SYT10: variants seen among roughly 807,000 people sequenced by gnomAD.
SYT10 encodes the protein synaptotagmin 10, also known as synaptotagmin-10.
Under a neutral mutation model 51.1 loss-of-function variants are expected in SYT10, and 31 were observed. The observed-to-expected ratio is 0.61, with a 90% CI of 0.46 to 0.82. The LOEUF (loss-of-function observed/expected upper bound fraction) is 0.82, where lower values mean the gene tolerates loss of function less well. SYT10 is among the 40% of genes least tolerant of loss of function. The probability of loss-of-function intolerance (pLI) is 0.00; values close to 1 mark genes in which losing one functional copy is unlikely to be tolerated. For missense variants in SYT10, 603 were observed against 634.0 expected (o/e 0.95, Z 0.53); for synonymous variants, 233 against 225.9 (o/e 1.03, Z -0.28).
intron 2 of SYT10, among the ~76,000 whole-genome samples, chr12:33,420,281 A>G (rs1182654218): frequency 1.3e-5 from 2 of 152,184 alleles, no homozygotes; most frequent in African/African-American, 4.8e-5. Context: ...GTATTTCATC[A>G]TAAACATTTA....
At chr12:33,413,413 A>G (rs1399223230) in intron 2 of SYT10, among the ~76,000 whole-genome samples, 1 of 152,208 alleles carries the variant, frequency 6.6e-6, no homozygotes, top group Non-Finnish European at 1.5e-5. Flanking sequence ...GAAGGAAAAA[A>G]TGCTAAGGGC....
intron 1 of SYT10, among the ~76,000 whole-genome samples, chr12:33,436,051 ATGTGAGCTCAAGTGAC>A: frequency 6.6e-6 from 1 of 152,174 alleles, no homozygotes; most frequent in East Asian, 1.9e-4. Context: ...TACAATTGTG[ATGTGAGCTCAAGTGAC>A]TGTGAGCTTA....
chr12:33,403,483 C>G (rs546106807), intron 3 of SYT10, among the ~76,000 whole-genome samples: 20 of 152,276 alleles, frequency 1.3e-4, no homozygotes, highest in East Asian at 1.2e-3. Context: ...GATCCACCCC[C>G]CTCAGCCTCC....
Position 33,426,196 on chromosome 12 carries a change from G to C in SYT10, c.451C>G (p.His151Asp). 6.2e-7 allele frequency: 1 copy of C among 1,612,958 alleles called. No homozygotes were observed. Among genetic ancestry groups the C allele is most frequent in the African/African-American group, 1.3e-5 (1 of 74,832 alleles). ...TGCACACGTGCATGTTTAATTAAATGTTCTTTTAAAGCAGTTTGGACTTCT... is the reference window on the plus strand; with the variant it reads ...TGCACACGTGCATGTTTAATTAAATCTTCTTTTAAAGCAGTTTGGACTTCT... ...PAEVQTALKEHLIKHARVQRQ... is the reference protein window; with the variant it reads ...PAEVQTALKEDLIKHARVQRQ... The change falls in exon 2 of 7, where the codon CAT becomes GAT. Residue 151 changes from histidine (H) to aspartate (D), a missense_variant. Physicochemically the swap from His to Asp is moderately conservative, Grantham distance 81. Transcript: ENST00000228567.
chr12:33,377,255 C>T (rs1169458702), intron 6 of SYT10, among the ~76,000 whole-genome samples: 8 of 151,260 alleles, frequency 5.3e-5, no homozygotes, highest in Non-Finnish European at 1.0e-4. Context: ...TCACTGCAAC[C>T]TCTGCCTCCT....
intron 6 of SYT10, 37 bp from the exon 7 acceptor site, chr12:33,376,938 C>G: frequency 6.2e-7 from 1 of 1,603,570 alleles, no homozygotes; most frequent in Non-Finnish European, 8.5e-7. Flanking sequence ...TGATCTAGTA[C>G]AGAAATAGAA....
chr12:33,420,579 G>A (rs115855398), intron 2 of SYT10, among the ~76,000 whole-genome samples: 1,629 of 152,160 alleles, frequency 0.011, 34 homozygotes, highest in African/African-American at 0.035. Flanking sequence ...TTGAACCTAG[G>A]AGCTCAAGGC....
intron 5 of SYT10, 112 bp downstream of exon 5, chr12:33,382,237 C>A (rs2138383821): frequency 1.0e-6 from 1 of 1,003,908 alleles, no homozygotes; most frequent in Non-Finnish European, 1.4e-6. Context: ...TCATTATTCC[C>A]TCCTCCAATT....
At position 33,376,731 on chromosome 12, in the gene SYT10, G is replaced by C; in HGVS notation, c.*99C>G. ...CACATCAAGTTTGTTCATTAGTACGGATATATTTCAAATGAGGAAACCAAA... is the reference window on the plus strand; with the variant it reads ...CACATCAAGTTTGTTCATTAGTACGCATATATTTCAAATGAGGAAACCAAA... On this transcript the variant is annotated 3_prime_UTR_variant, in exon 7 of 7. Coordinates refer to ENST00000228567, the MANE Select transcript of SYT10 (RefSeq NM_198992.4). 1 of 1,347,570 alleles carries C rather than the reference G, an allele frequency of 7.4e-7. No individual in the cohort carries two copies. 83.5% of individuals were successfully genotyped at this position (1,347,570 alleles called of 1,614,324 possible).
At chr12:33,378,828 G>C (rs1866087900) in intron 6 of SYT10, among the ~76,000 whole-genome samples, 1 of 151,180 alleles carries the variant, frequency 6.6e-6, no homozygotes. Flanking sequence ...GTGTGTGTGT[G>C]TGTGTGTGTG....
chr12:33,424,035 G>A (rs964309182), intron 2 of SYT10: 1 of 455,052 alleles, frequency 2.2e-6, no homozygotes, highest in African/African-American at 2.0e-5. Context: ...AAAGTCAGAG[G>A]CAGGTGAAAT....
Position 33,406,834 on chromosome 12 carries a change from G to T in SYT10, c.1032C>A (p.Leu344=). 6.2e-7 allele frequency: 1 copy of T among 1,613,840 alleles called. No individual in the cohort carries two copies. Among genetic ancestry groups the T allele is most frequent in the South Asian group, 1.1e-5 (1 of 91,064 alleles). Residue 344 remains leucine, a synonymous_variant, in exon 3 of 7, where the codon CTC becomes CTA. Coordinates refer to ENST00000228567, the MANE Select transcript of SYT10 (RefSeq NM_198992.4). The part of the protein sequence containing the change: ...ILDNLFEVSD[L]SREATVWKDI... ...CTTTCCATACTGTGGCTTCCCTGGA[G>T]AGATCAGAGACTTCAAACAAATTAT...
chr12:33,439,728 C>T lies in SYT10; in HGVS notation c.-206G>A, dbSNP rs1442041719. ...AGGGCGTAGGGGAAGGAGAGGCGCG[C>T]GAGGAGGCTGCGGCTGCCGCGAGGT... On this transcript the variant is annotated 5_prime_UTR_variant, in exon 1 of 7. Transcript: ENST00000228567. 1.7e-6 allele frequency: 1 copy of T among 589,586 alleles called. No individual in the cohort carries two copies. The allele number at this position is 589,586 out of a possible 1,614,324, so 36.5% of individuals were successfully genotyped here. A position where few individuals can be genotyped will look rare whatever the true frequency, so the allele number is the denominator to read the frequency against.
intron 5 of SYT10, among the ~76,000 whole-genome samples, chr12:33,381,891 G>T (rs1866118378): frequency 6.6e-6 from 1 of 152,144 alleles, no homozygotes; most frequent in Admixed American, 6.6e-5. Flanking sequence ...ACTCCTCGTT[G>T]TTCACAGTTC....
At chr12:33,384,726 G>A (rs1866142787) in intron 4 of SYT10, among the ~76,000 whole-genome samples, 2 of 152,104 alleles carry the variant, frequency 1.3e-5, no homozygotes, top group South Asian at 2.1e-4. Flanking sequence ...TTAGTTAGGT[G>A]GAAAAAATGC....
At chr12:33,390,966 T>A (rs1174755022) in intron 3 of SYT10, among the ~76,000 whole-genome samples, 3 of 151,998 alleles carry the variant, frequency 2.0e-5, no homozygotes, top group African/African-American at 7.3e-5. Context: ...TGAGACGGAG[T>A]CTCCCTCTGT....
rs541254825 is a variant in SYT10 at position 33,425,050 on chromosome 12, A to C, written c.509+1088T>G. Among the ~76,000 whole-genome samples, 7 of 152,278 alleles carry C rather than the reference A, an allele frequency of 4.6e-5. No homozygotes were observed. In the East Asian group the frequency reaches 1.2e-3, roughly 25 times the overall value. On this transcript the variant is annotated intron_variant, in intron 2 of 6. Transcript: ENST00000228567. ...GTAAGAAGTGGATTTATTTGTAGAT[A>C]TAATTCTCCCATTTACACAAAATAC...
chr12:33,404,622 A>C (rs1419921808), intron 3 of SYT10, among the ~76,000 whole-genome samples: 1 of 152,042 alleles, frequency 6.6e-6, no homozygotes, highest in African/African-American at 2.4e-5. Flanking sequence ...TGAACTCTTG[A>C]CCTCGTGATC....
At position 33,387,747 on chromosome 12, in the gene SYT10, G is replaced by GTTTTTT. The variant is rs34524429; in HGVS notation, c.1078-2462_1078-2457dup. Reference sequence around the variant, plus strand: ...AACACCCTTCTCTTCCTTCTAACATGTTTTTTTTTTTTTTTTTTGAGACAG... The same window carrying GTTTTTT: ...AACACCCTTCTCTTCCTTCTAACATGTTTTTTTTTTTTTTTTTTTTTTTTGAGACAG... On this transcript the variant is annotated intron_variant, in intron 3 of 6. Transcript: ENST00000228567. Among the ~76,000 whole-genome samples, 37 of 122,660 alleles carry GTTTTTT rather than the reference G, an allele frequency of 3.0e-4. 2 individuals carry two copies. Among genetic ancestry groups the GTTTTTT allele is most frequent in the Admixed American group, 7.8e-4 (9 of 11,500 alleles). 80.5% of individuals were successfully genotyped at this position (122,660 alleles called of 152,430 possible). A position where few individuals can be genotyped will look rare whatever the true frequency, so the allele number is the denominator to read the frequency against.
Sources: gnomAD v4.1 joint callset for allele counts (sites outside exome capture counted in the v4.1 genomes callset) on GRCh38, gnomAD v4.1.1 for gene constraint, MANE v1.5 for transcripts, NCBI Gene and HGNC (gene_info 2026-07-23, HGNC 2026-07-21) for gene names.